Variants in PHACTR1 observed in about 807,000 individuals in gnomAD.
PHACTR1 encodes the protein phosphatase and actin regulator 1.
In PHACTR1, 16 loss-of-function variants were observed where a neutral mutation model predicts 69.2. That is an observed-to-expected ratio of 0.23 (90% CI 0.16 to 0.35). The LOEUF is 0.35. Ranked by LOEUF, PHACTR1 falls within the 10% of genes least tolerant of loss-of-function variation. The pLI is 1.00. For synonymous variants in PHACTR1, 312 were observed against 284.5 expected, an observed-to-expected ratio of 1.10 and a Z score of -0.97; for missense variants, 510 against 734.7, an observed-to-expected ratio of 0.69 and a Z score of 3.54.
intron 3 of PHACTR1, among the ~76,000 whole-genome samples, chr6:12,744,843 C>T (rs536636466): frequency 6.6e-6 from 1 of 152,124 alleles, no homozygotes; most frequent in Admixed American, 6.6e-5. Flanking sequence ...ATTTGACTAA[C>T]AACAATTTTA....
chr6:12,745,407 TG>T (rs1224868284), intron 3 of PHACTR1, among the ~76,000 whole-genome samples: 1 of 152,160 alleles, frequency 6.6e-6, no homozygotes, highest in East Asian at 1.9e-4. Flanking sequence ...GACGCAATCA[TG>T]GGTGGCAGTG....
At chr6:12,924,111 G>C (rs116492413) in intron 4 of PHACTR1, among the ~76,000 whole-genome samples, 1,986 of 152,306 alleles carry the variant, frequency 0.013, 48 homozygotes, top group African/African-American at 0.045. Context: ...TTTGGAGGCA[G>C]TAGTTTAGAT....
chr6:13,087,278 G>A (rs954592985), intron 5 of PHACTR1, among the ~76,000 whole-genome samples: 2 of 150,806 alleles, frequency 1.3e-5, no homozygotes, highest in African/African-American at 2.4e-5. Flanking sequence ...GAAGCCTTAG[G>A]TGGTGATGAT....
intron 4 of PHACTR1, among the ~76,000 whole-genome samples, chr6:12,751,932 A>G (rs1457187820): frequency 1.3e-5 from 2 of 152,116 alleles, no homozygotes; most frequent in African/African-American, 4.8e-5. Context: ...CAGAGAAGTG[A>G]CTGTAAGTTG....
chr6:12,806,613 G>A (rs944789044), intron 4 of PHACTR1, among the ~76,000 whole-genome samples: 1 of 152,048 alleles, frequency 6.6e-6, no homozygotes, highest in Non-Finnish European at 1.5e-5. Context: ...ACCTCGCCCA[G>A]CTATAATCAA....
intron 4 of PHACTR1, among the ~76,000 whole-genome samples, chr6:13,023,078 G>A (rs1801208946): frequency 6.6e-6 from 1 of 152,070 alleles, no homozygotes; most frequent in African/African-American, 2.4e-5. Context: ...TAGCATCATA[G>A]TCTGATTTTA....
At chr6:12,822,036 G>A (rs934911864) in intron 4 of PHACTR1, among the ~76,000 whole-genome samples, 1 of 152,188 alleles carries the variant, frequency 6.6e-6, no homozygotes, top group Non-Finnish European at 1.5e-5. Context: ...GGCCAAGTAA[G>A]AGGAACTTTA....
chr6:12,765,061 G>A (rs1475688577), intron 4 of PHACTR1, among the ~76,000 whole-genome samples: 2 of 152,162 alleles, frequency 1.3e-5, no homozygotes, highest in Non-Finnish European at 2.9e-5. Context: ...TTAGAATTTG[G>A]TTAAAGGGGG....
At chr6:12,785,137 A>T (rs971683607) in intron 4 of PHACTR1, among the ~76,000 whole-genome samples, 4 of 152,184 alleles carry the variant, frequency 2.6e-5, no homozygotes, top group Non-Finnish European at 5.9e-5. Context: ...AGAGAAAAGG[A>T]AGATTGAACT....
At chr6:12,944,124 G>A (rs1465763534) in intron 4 of PHACTR1, among the ~76,000 whole-genome samples, 1 of 152,160 alleles carries the variant, frequency 6.6e-6, no homozygotes, top group Non-Finnish European at 1.5e-5. Flanking sequence ...TAACAAAAGG[G>A]ATGACTCTTT....
At chr6:12,911,093 T>C (rs1582436274) in intron 4 of PHACTR1, among the ~76,000 whole-genome samples, 1 of 152,278 alleles carries the variant, frequency 6.6e-6, no homozygotes, top group South Asian at 2.1e-4. Flanking sequence ...TGCAAGCCAA[T>C]CCCCTACAAC....
At chr6:12,871,314 C>T (rs937392052) in intron 4 of PHACTR1, among the ~76,000 whole-genome samples, 5 of 152,174 alleles carry the variant, frequency 3.3e-5, no homozygotes, top group Non-Finnish European at 7.3e-5. Context: ...CTAAAAATGC[C>T]TCAAAACGCT....
chr6:12,951,292 G>A (rs892450794), intron 4 of PHACTR1, among the ~76,000 whole-genome samples: 14 of 152,222 alleles, frequency 9.2e-5, no homozygotes, highest in Admixed American at 2.6e-4. Context: ...CTTGTTTATC[G>A]TATTGCAGAC....
intron 5 of PHACTR1, among the ~76,000 whole-genome samples, chr6:13,114,322 A>T (rs1258987149): frequency 6.6e-6 from 1 of 152,042 alleles, no homozygotes; most frequent in Non-Finnish European, 1.5e-5. Context: ...GAGAGAAGTC[A>T]TCTTGTCTGA....
chr6:13,270,316 AG>A (rs967810484), intron 10 of PHACTR1, among the ~76,000 whole-genome samples: 2 of 152,146 alleles, frequency 1.3e-5, no homozygotes, highest in Admixed American at 1.3e-4. Flanking sequence ...AGTGCCCCCC[AG>A]CCCCATGGTC....
At position 13,259,585 on chromosome 6, in the gene PHACTR1, G is replaced by A. The variant is rs146869127; in HGVS notation, c.1392-13275G>A. Reference sequence around the variant, plus strand: ...TCATGCTTTGTACTTATTTTTAAAAGGGACTTTCACATCTAATTCTCCTTT... The same window carrying A: ...TCATGCTTTGTACTTATTTTTAAAAAGGACTTTCACATCTAATTCTCCTTT... On this transcript the variant is annotated intron_variant, in intron 10 of 14. Transcript: ENST00000332995. Among the ~76,000 whole-genome samples, 506 of 152,240 alleles carry A rather than the reference G, an allele frequency of 3.3e-3. 2 individuals are homozygous for A. The highest frequency in any genetic ancestry group is 2.9e-3 in the Non-Finnish European group (200 of 68,020).
chr6:13,077,258 A>G (rs967466161), intron 5 of PHACTR1, among the ~76,000 whole-genome samples: 7 of 151,872 alleles, frequency 4.6e-5, no homozygotes, highest in Non-Finnish European at 7.4e-5. Flanking sequence ...CTCTAGCCCA[A>G]TGAGGTATTA....
intron 4 of PHACTR1, among the ~76,000 whole-genome samples, chr6:12,983,156 GCT>G (rs1172396037): frequency 1.3e-5 from 2 of 152,200 alleles, no homozygotes; most frequent in East Asian, 3.8e-4. Flanking sequence ...TTTAATGCTT[GCT>G]GCAAGGAACT....
intron 4 of PHACTR1, among the ~76,000 whole-genome samples, chr6:12,933,428 A>G (rs1789090428): frequency 6.6e-6 from 1 of 152,260 alleles, no homozygotes; most frequent in South Asian, 2.1e-4. Flanking sequence ...TTTTAAAAAC[A>G]ATCTCCATAT....
Sources: allele counts gnomAD v4.1 joint callset (sites outside exome capture counted in the v4.1 genomes callset), GRCh38; gene constraint gnomAD v4.1.1; transcripts MANE v1.5; gene names NCBI Gene and HGNC (gene_info 2026-07-23, HGNC 2026-07-21).